Variants in ARHGEF3 observed in about 807,000 individuals in gnomAD.
The protein encoded by ARHGEF3 is 59.8 kDA protein.
ARHGEF3 carries 28 observed loss-of-function variants against 63.2 expected under a neutral mutation model. The observed-to-expected ratio is 0.44, with a 90% confidence interval of 0.33 to 0.61. The LOEUF (loss-of-function observed/expected upper bound fraction) is 0.61, where lower values mean the gene tolerates loss of function less well. Ranked by LOEUF, ARHGEF3 falls within the 20% of genes least tolerant of loss-of-function variation. The pLI is 0.03. For missense variants in ARHGEF3, 533 were observed against 659.3 expected, an observed-to-expected ratio of 0.81 and a Z score of 2.10; for synonymous variants, 266 against 254.2, an observed-to-expected ratio of 1.05 and a Z score of -0.44.
At chr3:57,010,362 A>T (rs916044731) in intron 2 of ARHGEF3, among the ~76,000 whole-genome samples, 1 of 150,390 alleles carries the variant, frequency 6.6e-6, no homozygotes, top group African/African-American at 2.4e-5. Flanking sequence ...AGGCTGAGGC[A>T]GGAGAATGGC....
chr3:56,924,358 A>C (rs1346123682), intron 3 of ARHGEF3, among the ~76,000 whole-genome samples: 1 of 152,238 alleles, frequency 6.6e-6, no homozygotes, highest in Non-Finnish European at 1.5e-5. Context: ...GCTGAGGCCC[A>C]GCGACACTAC....
At chr3:56,949,901 C>A (rs1209329022) in intron 3 of ARHGEF3, among the ~76,000 whole-genome samples, 2 of 151,976 alleles carry the variant, frequency 1.3e-5, no homozygotes, top group Non-Finnish European at 2.9e-5. Context: ...CTACAGTAAC[C>A]AAAACAGCAT....
intron 1 of ARHGEF3, among the ~76,000 whole-genome samples, chr3:57,052,095 C>T (rs11918968): frequency 0.85 from 129,076 of 152,176 alleles, 55,229 homozygotes; most frequent in South Asian, 0.94. Context: ...CAAAGGGTGA[C>T]ACTGTTACTA....
At chr3:56,928,475 C>A (rs1578865594) in intron 3 of ARHGEF3, among the ~76,000 whole-genome samples, 1 of 152,168 alleles carries the variant, frequency 6.6e-6, no homozygotes, top group Admixed American at 6.5e-5. Flanking sequence ...CCCTCATTAC[C>A]TCCCACTTTG....
chr3:57,003,401 C>CAAAAAAA (rs60214570), intron 2 of ARHGEF3, among the ~76,000 whole-genome samples: 2,610 of 43,742 alleles, frequency 0.06, 233 homozygotes, highest in East Asian at 0.19. Flanking sequence ...GACGCCGTCT[C>CAAAAAAA]AAAAAAAAAA....
At chr3:57,003,317 CGCTT>C (rs1702334031) in intron 2 of ARHGEF3, among the ~76,000 whole-genome samples, 1 of 143,492 alleles carries the variant, frequency 7.0e-6, no homozygotes, top group Non-Finnish European at 1.5e-5. Context: ...GCAGGAGAAT[CGCTT>C]GAACCCGGGA....
chr3:56,745,688 T>G (rs1403075658), intron 6 of ARHGEF3, among the ~76,000 whole-genome samples: 1 of 152,188 alleles, frequency 6.6e-6, no homozygotes, highest in Non-Finnish European at 1.5e-5. Context: ...TTTTTTTTTT[T>G]TGAGACGGAG....
chr3:56,974,697 C>T (rs998249168), intron 2 of ARHGEF3, among the ~76,000 whole-genome samples: 7 of 152,006 alleles, frequency 4.6e-5, no homozygotes, highest in African/African-American at 1.2e-4. Flanking sequence ...TCTGAATCAT[C>T]GCACGTTTTC....
At chr3:56,766,464 T>G (rs1578452901) in intron 2 of ARHGEF3, among the ~76,000 whole-genome samples, 1 of 152,220 alleles carries the variant, frequency 6.6e-6, no homozygotes, top group South Asian at 2.1e-4. Flanking sequence ...GCCCCATCAC[T>G]GGCAGCCACT....
chr3:56,780,628 CTTG>C (rs1166780913), intron 1 of ARHGEF3, among the ~76,000 whole-genome samples: 3 of 149,576 alleles, frequency 2.0e-5, no homozygotes, highest in East Asian at 2.1e-4. Flanking sequence ...GTTCCTCTGT[CTTG>C]TTGTCTTTCA....
chr3:57,023,730 C>T (rs1159347454), intron 2 of ARHGEF3, among the ~76,000 whole-genome samples: 2 of 152,212 alleles, frequency 1.3e-5, no homozygotes, highest in Non-Finnish European at 2.9e-5. Context: ...ACATGGTTTG[C>T]TCTTTACCTG....
At chr3:56,775,598 G>A (rs1490079269) in intron 1 of ARHGEF3, 3 of 985,758 alleles carry the variant, frequency 3.0e-6, no homozygotes, top group Non-Finnish European at 3.6e-6. Flanking sequence ...CTCCCAAGAT[G>A]AAAGCCATTG....
At chr3:56,838,501 G>A (rs532609334) in intron 4 of ARHGEF3, among the ~76,000 whole-genome samples, 17 of 152,238 alleles carry the variant, frequency 1.1e-4, no homozygotes, top group African/African-American at 4.1e-4. Context: ...AATACACACA[G>A]TAATGTTCTC....
intron 4 of ARHGEF3, among the ~76,000 whole-genome samples, chr3:56,843,608 T>C (rs907958575): frequency 1.2e-4 from 18 of 152,228 alleles, no homozygotes; most frequent in African/African-American, 4.3e-4. Context: ...ACAGTATGCC[T>C]TGGCAATCTT....
chr3:56,802,115 G>C (rs971775509), upstream of ARHGEF3: 196 of 841,000 alleles, frequency 2.3e-4, no homozygotes, highest in Non-Finnish European at 1.3e-4. Flanking sequence ...CGCGGGTGGA[G>C]AGGGACCTCT....
chr3:56,886,424 A>G (rs1197042053), intron 3 of ARHGEF3, among the ~76,000 whole-genome samples: 2 of 152,228 alleles, frequency 1.3e-5, no homozygotes, highest in African/African-American at 4.8e-5. Flanking sequence ...GGGCGTACAG[A>G]TGGAAACACC....
chr3:56,915,031 A>T (rs1366162455), intron 3 of ARHGEF3, among the ~76,000 whole-genome samples: 4 of 152,208 alleles, frequency 2.6e-5, no homozygotes, highest in Non-Finnish European at 4.4e-5. Context: ...CAATAAAAAA[A>T]ATTGAAAAAA....
chr3:56,820,358 G>T (rs757126028), intron 4 of ARHGEF3, among the ~76,000 whole-genome samples: 2 of 152,082 alleles, frequency 1.3e-5, no homozygotes, highest in East Asian at 3.9e-4. Context: ...TACAGAAAAC[G>T]GGGATAGAGG....
At position 56,968,189 on chromosome 3, in the gene ARHGEF3, TTATATATAATATATAAAAATATATATTA is replaced by T. The variant is rs1487860346; in HGVS notation, c.63-9328_63-9301del. On this transcript the variant is annotated intron_variant, in intron 2 of 12. Transcript: ENST00000338458. ...TATATAATATATATAAAAATATATATTATATATAATATATAAAAATATATATTATATATAATATATATATAAATATATA... is the reference window on the plus strand; with the variant it reads ...TATATAATATATATAAAAATATATATTATATAATATATATATAAATATATA... 8.9e-4 allele frequency among the ~76,000 whole-genome samples: 14 copies of T among 15,724 alleles called. 2 individuals are homozygous for T. In the East Asian group the frequency reaches 0.052, roughly 58 times the overall value. 10.3% of individuals were successfully genotyped at this position (15,724 alleles called of 152,430 possible).
Sources: gnomAD v4.1 joint callset for allele counts (sites outside exome capture counted in the v4.1 genomes callset) on GRCh38, gnomAD v4.1.1 for gene constraint, MANE v1.5 for transcripts, NCBI Gene and HGNC (gene_info 2026-07-23, HGNC 2026-07-21) for gene names.